The following MAP4K4 variants were observed in gnomAD, a reference collection of about 807,000 sequenced individuals.
MAP4K4 encodes mitogen-activated protein kinase kinase kinase kinase 4.
MAP4K4 carries 38 observed loss-of-function variants against 189.6 expected under a neutral mutation model. The observed-to-expected ratio is 0.20, with a 90% CI of 0.15 to 0.26. The LOEUF is 0.26. MAP4K4 is among the 10% of genes least tolerant of loss of function. MAP4K4 has a pLI of 1.00. For synonymous variants in MAP4K4, 610 were observed against 624.3 expected, an observed-to-expected ratio of 0.98 and a Z score of 0.34; for missense variants, 1,054 against 1,726.9, an observed-to-expected ratio of 0.61 and a Z score of 6.91.
At chr2:101,776,278 A>G (rs961149969) in intron 2 of MAP4K4, among the ~76,000 whole-genome samples, 2 of 152,322 alleles carry the variant, frequency 1.3e-5, no homozygotes, top group Middle Eastern at 3.4e-3. Context: ...ACTGATGGTC[A>G]GCTAAGGTGG....
At chr2:101,848,736 CCCTTGGTGCTCTCTGATAACTGCTG>C (rs2097187962) in intron 12 of MAP4K4, among the ~76,000 whole-genome samples, 1 of 152,172 alleles carries the variant, frequency 6.6e-6, no homozygotes, top group Non-Finnish European at 1.5e-5. Flanking sequence ...CCCTCCATCT[CCCTTGGTGCTCTCTGATAACTGCTG>C]CTGCTGGTAT....
chr2:101,749,376 C>G (rs1352656878), intron 2 of MAP4K4, among the ~76,000 whole-genome samples: 2 of 151,628 alleles, frequency 1.3e-5, no homozygotes, highest in Non-Finnish European at 3.0e-5. Flanking sequence ...ACCATCTGAT[C>G]TTTGACAAAC....
chr2:101,861,258 C>T, intron 16 of MAP4K4: 1 of 286,256 alleles, frequency 3.5e-6, no homozygotes, highest in Non-Finnish European at 6.5e-6. Context: ...TGTTAAGTGC[C>T]TCCTTTTTCT....
intron 2 of MAP4K4, among the ~76,000 whole-genome samples, chr2:101,721,514 C>T (rs2052001693): frequency 6.6e-6 from 1 of 150,740 alleles, no homozygotes; most frequent in Admixed American, 6.6e-5. Context: ...CGGCTCACTG[C>T]AGCCTCCGCC....
At chr2:101,838,105 C>G (rs924342782) in intron 9 of MAP4K4, among the ~76,000 whole-genome samples, 5 of 152,210 alleles carry the variant, frequency 3.3e-5, no homozygotes, top group African/African-American at 1.2e-4. Flanking sequence ...CTTCTGCCAG[C>G]AGAACTTGAT....
At chr2:101,769,949 G>C (rs1010079741) in intron 2 of MAP4K4, among the ~76,000 whole-genome samples, 31 of 152,258 alleles carry the variant, frequency 2.0e-4, no homozygotes, top group African/African-American at 7.0e-4. Context: ...AAAGTCTGGA[G>C]GGAAATCGGA....
chr2:101,867,362 T>C lies in MAP4K4; in HGVS notation c.2454+53T>C, dbSNP rs191554055. 3,819 of 1,374,502 alleles carry C rather than the reference T, an allele frequency of 2.8e-3. 11 individuals carry two copies. The highest frequency in any genetic ancestry group is 3.2e-3 in the Non-Finnish European group (3,109 of 985,924). The allele number at this position is 1,374,502 out of a possible 1,614,324, so 85.1% of individuals were successfully genotyped here. A position where few individuals can be genotyped will look rare whatever the true frequency, so the allele number is the denominator to read the frequency against. ...TTATTTCAGACTTGAATGAGATCTTTCTATTAAAAATATGTGGTTGAGAGG... is the reference window on the plus strand; with the variant it reads ...TTATTTCAGACTTGAATGAGATCTTCCTATTAAAAATATGTGGTTGAGAGG... On this transcript the variant is annotated intron_variant, in intron 20 of 32. Transcript: ENST00000324219.
At chr2:101,893,264 G>A (rs1021838235) in exon 33 of MAP4K4, 1 of 456,358 alleles carries the variant, frequency 2.2e-6, no homozygotes, top group Non-Finnish European at 4.4e-6. Context: ...GTAAAGACAA[G>A]CTGAGAAGCT....
chr2:101,726,717 A>G (rs1004419474), intron 2 of MAP4K4, among the ~76,000 whole-genome samples: 8 of 152,232 alleles, frequency 5.3e-5, no homozygotes, highest in Admixed American at 1.3e-4. Flanking sequence ...TACATGGGAA[A>G]GAGCAAAATG....
chr2:101,713,604 A>G (rs1309016389), intron 2 of MAP4K4, among the ~76,000 whole-genome samples: 1 of 146,118 alleles, frequency 6.8e-6, no homozygotes, highest in Admixed American at 6.8e-5. Context: ...CTAAAAAAAA[A>G]AAAAAAAATG....
exon 33 of MAP4K4, chr2:101,893,401 A>G (rs2098595557): frequency 1.4e-5 from 5 of 363,286 alleles, no homozygotes; most frequent in South Asian, 4.2e-5. Context: ...AATTAATCCT[A>G]CCTTTAAAGG....
At chr2:101,805,912 C>T (rs2094882283) in intron 3 of MAP4K4, among the ~76,000 whole-genome samples, 1 of 152,174 alleles carries the variant, frequency 6.6e-6, no homozygotes, top group South Asian at 2.1e-4. Context: ...CCAAGGTTGT[C>T]TACTTTCCTA....
chr2:101,880,886 T>A (rs1429874198), intron 27 of MAP4K4, among the ~76,000 whole-genome samples: 4 of 152,338 alleles, frequency 2.6e-5, no homozygotes, highest in Admixed American at 6.5e-5. Context: ...CTGTTTTGAT[T>A]ACTGTAGATT....
At chr2:101,717,109 A>G (rs547528123) in intron 2 of MAP4K4, among the ~76,000 whole-genome samples, 8 of 152,184 alleles carry the variant, frequency 5.3e-5, no homozygotes, top group Non-Finnish European at 8.8e-5. Context: ...GCAAAATGAT[A>G]AATAAGTCAT....
At chr2:101,818,756 T>TAAA (rs2095864875) in intron 3 of MAP4K4, among the ~76,000 whole-genome samples, 3 of 151,806 alleles carry the variant, frequency 2.0e-5, no homozygotes, top group African/African-American at 7.3e-5. Context: ...GCAAGGCAAC[T>TAAA]AAAAACTCAT....
intron 27 of MAP4K4, among the ~76,000 whole-genome samples, chr2:101,878,533 T>C (rs926891322): frequency 2.6e-5 from 4 of 152,250 alleles, no homozygotes; most frequent in African/African-American, 9.6e-5. Context: ...TATTAAAATG[T>C]ATTTAGTTAT....
At chr2:101,737,658 C>T (rs2060994408) in intron 2 of MAP4K4, among the ~76,000 whole-genome samples, 1 of 151,276 alleles carries the variant, frequency 6.6e-6, no homozygotes, top group African/African-American at 2.4e-5. Context: ...TGTTCCCTTT[C>T]CATTCTCTGC....
intron 2 of MAP4K4, among the ~76,000 whole-genome samples, chr2:101,759,968 T>C (rs2075459857): frequency 6.6e-6 from 1 of 151,594 alleles, no homozygotes; most frequent in Non-Finnish European, 1.5e-5. Flanking sequence ...CTCGGCCTCC[T>C]GAGTTGCTGG....
intron 28 of MAP4K4, among the ~76,000 whole-genome samples, chr2:101,883,756 G>T (rs77651853): frequency 6.6e-6 from 1 of 151,832 alleles, no homozygotes; most frequent in South Asian, 2.1e-4. Context: ...CCTCTGTTCC[G>T]AGGGATGTTG....
Sources: allele counts gnomAD v4.1 joint callset (sites outside exome capture counted in the v4.1 genomes callset), GRCh38; gene constraint gnomAD v4.1.1; transcripts MANE v1.5; gene names NCBI Gene and HGNC (gene_info 2026-07-23, HGNC 2026-07-21).